Variants in LSAMP observed in about 807,000 individuals in gnomAD.
The protein encoded by LSAMP is limbic system-associated membrane protein.
A neutral mutation model predicts 38.6 loss-of-function variants in LSAMP; 7 were observed. That is an observed-to-expected ratio of 0.18 (90% CI 0.10 to 0.34). LSAMP has a LOEUF of 0.34. LSAMP is among the 10% of genes least tolerant of loss of function. LSAMP has a pLI of 1.00. For missense variants in LSAMP, 313 were observed against 420.0 expected, an observed-to-expected ratio of 0.75 and a Z score of 2.23; for synonymous variants, 154 against 166.8, an observed-to-expected ratio of 0.92 and a Z score of 0.59.
At chr3:116,093,604 T>A (rs1708168510) in intron 1 of LSAMP, among the ~76,000 whole-genome samples, 1 of 152,188 alleles carries the variant, frequency 6.6e-6, no homozygotes, top group Non-Finnish European at 1.5e-5. Flanking sequence ...TTACTTTAGT[T>A]TCATAATCGT....
At chr3:116,234,706 T>C (rs183504720) in intron 1 of LSAMP, among the ~76,000 whole-genome samples, 1 of 152,296 alleles carries the variant, frequency 6.6e-6, no homozygotes, top group African/African-American at 2.4e-5. Flanking sequence ...TCTTCTCTAT[T>C]TGAATATTTA....
chr3:115,897,930 C>T (rs1366469114), intron 3 of LSAMP, among the ~76,000 whole-genome samples: 2 of 152,136 alleles, frequency 1.3e-5, no homozygotes, highest in African/African-American at 2.4e-5. Context: ...AGGCAAAATA[C>T]CGCTTCATGT....
intron 1 of LSAMP, among the ~76,000 whole-genome samples, chr3:116,151,755 ACT>A (rs556796981): frequency 2.0e-3 from 297 of 151,922 alleles, no homozygotes; most frequent in Middle Eastern, 3.4e-3. Context: ...CAGGTCCTCA[ACT>A]CTCTGTCACT....
Position 115,805,154 on chromosome 3 carries a change from C to A in LSAMP, c.*5163G>T, listed in dbSNP as rs1933602230. The A allele has an allele frequency of 6.6e-6, 1 of 152,122 alleles. No homozygotes were observed. Among genetic ancestry groups the A allele is most frequent in the African/African-American group, 2.4e-5 (1 of 41,426 alleles). 9.4% of individuals were successfully genotyped at this position (152,122 alleles called of 1,614,324 possible). ...TACAGCAGACATATAGCCCTTAAAA[C>A]CTTTCCCTCTATTTCCCTTGCTTTG... On this transcript the variant is annotated 3_prime_UTR_variant, in exon 7 of 7. Transcript: ENST00000490035.
chr3:116,072,842 C>T (rs776805029), intron 2 of LSAMP, among the ~76,000 whole-genome samples: 2 of 148,362 alleles, frequency 1.3e-5, no homozygotes, highest in Non-Finnish European at 3.0e-5. Context: ...GATTTTCATC[C>T]CATTCTGTAG....
chr3:116,200,638 A>G (rs958070970), intron 1 of LSAMP, among the ~76,000 whole-genome samples: 1 of 152,222 alleles, frequency 6.6e-6, no homozygotes, highest in African/African-American at 2.4e-5. Flanking sequence ...AAACCCTGCC[A>G]GCGAGCTTGG....
At chr3:116,154,465 A>C (rs72961510) in intron 1 of LSAMP, among the ~76,000 whole-genome samples, 5,127 of 152,250 alleles carry the variant, frequency 0.034, 224 homozygotes, top group African/African-American at 0.1. Flanking sequence ...TTTAAGACTC[A>C]AATGGAATCT....
intron 1 of LSAMP, among the ~76,000 whole-genome samples, chr3:116,235,678 C>T (rs1017872459): frequency 6.6e-6 from 1 of 152,042 alleles, no homozygotes; most frequent in Admixed American, 6.6e-5. Flanking sequence ...ATGAAACTAC[C>T]AGAATAATTA....
rs564761520 is a variant in LSAMP, at chr3:115,953,087, G to A, written c.514+66428C>T. On this transcript the variant is annotated intron_variant, in intron 3 of 6. Coordinates refer to ENST00000490035, the MANE Select transcript of LSAMP (RefSeq NM_002338.5). ...CAGTCTGATTCAGAGCTTCTTCTCA[G>A]CCACTGCACCTCATCAACCTCCTCA... Among the ~76,000 whole-genome samples the A allele has an allele frequency of 8.7e-3, 1,328 of 152,218 alleles. 14 individuals carry two copies. The highest frequency in any genetic ancestry group is 0.026 in the South Asian group (125 of 4,822).
At chr3:116,226,138 T>C (rs2107621890) in intron 1 of LSAMP, among the ~76,000 whole-genome samples, 1 of 152,310 alleles carries the variant, frequency 6.6e-6, no homozygotes, top group African/African-American at 2.4e-5. Context: ...TGAAACTTGG[T>C]AAGCTGCTAT....
At chr3:116,335,719 C>T (rs943026813) in intron 1 of LSAMP, among the ~76,000 whole-genome samples, 1 of 152,038 alleles carries the variant, frequency 6.6e-6, no homozygotes, top group Non-Finnish European at 1.5e-5. Flanking sequence ...TTAGCCTAAC[C>T]TACCTTAAGC....
intron 3 of LSAMP, among the ~76,000 whole-genome samples, chr3:115,958,593 T>C (rs940152743): frequency 3.9e-5 from 6 of 152,152 alleles, no homozygotes; most frequent in African/African-American, 1.2e-4. Context: ...GAGGAAAGGA[T>C]GGAATTAGAA....
chr3:116,119,400 C>G (rs1476318295), intron 1 of LSAMP, among the ~76,000 whole-genome samples: 1 of 151,432 alleles, frequency 6.6e-6, no homozygotes, highest in African/African-American at 2.4e-5. Context: ...ATAAATTGTA[C>G]CAAACTAATT....
intron 1 of LSAMP, among the ~76,000 whole-genome samples, chr3:116,392,246 C>T (rs2048711891): frequency 6.6e-6 from 1 of 152,162 alleles, no homozygotes; most frequent in Non-Finnish European, 1.5e-5. Flanking sequence ...GCAGCTACAG[C>T]CACCCTTCCA....
At chr3:116,255,426 A>G (rs2046736550) in intron 1 of LSAMP, among the ~76,000 whole-genome samples, 1 of 152,182 alleles carries the variant, frequency 6.6e-6, no homozygotes, top group Non-Finnish European at 1.5e-5. Flanking sequence ...ACAATGCAGG[A>G]GTCCACAAGC....
At chr3:116,315,454 T>C (rs1184605542) in intron 1 of LSAMP, among the ~76,000 whole-genome samples, 2 of 151,694 alleles carry the variant, frequency 1.3e-5, no homozygotes, top group Non-Finnish European at 2.9e-5. Flanking sequence ...CAGAGTTAAA[T>C]GGAAAAAAAA....
chr3:116,320,400 GA>G (rs1559827034), intron 1 of LSAMP, among the ~76,000 whole-genome samples: 1 of 151,970 alleles, frequency 6.6e-6, no homozygotes, highest in African/African-American at 2.4e-5. Flanking sequence ...GTGACAGAGC[GA>G]GGCTCTGTCT....
intron 3 of LSAMP, among the ~76,000 whole-genome samples, chr3:115,898,315 A>G (rs1466477721): frequency 6.6e-6 from 1 of 152,152 alleles, no homozygotes; most frequent in African/African-American, 2.4e-5. Context: ...TTTCCAAAAG[A>G]TAAAGACAAT....
chr3:116,333,474 C>A (rs1156572713), intron 1 of LSAMP, among the ~76,000 whole-genome samples: 3 of 147,708 alleles, frequency 2.0e-5, no homozygotes, highest in African/African-American at 7.5e-5. Context: ...GCGGAGGTTG[C>A]AGTGAGCAAG....
Sources: allele counts gnomAD v4.1 joint callset (sites outside exome capture counted in the v4.1 genomes callset), GRCh38; gene constraint gnomAD v4.1.1; transcripts MANE v1.5; gene names NCBI Gene and HGNC (gene_info 2026-07-23, HGNC 2026-07-21).